The following TCF4 variants were observed in gnomAD, a reference collection of about 807,000 sequenced individuals.
The protein encoded by TCF4 is transcription factor 4, also known as SL3-3 enhancer factor 2.
Under a neutral mutation model 82.1 loss-of-function variants are expected in TCF4, and 3 were observed. The ratio of observed to expected loss-of-function variants is 0.04; its 90% CI spans 0.02 to 0.09. TCF4 has a LOEUF of 0.09. TCF4 is among the 10% of genes least tolerant of loss of function. The pLI is 1.00. For missense variants in TCF4, 518 were observed against 852.7 expected (o/e 0.61, Z 4.89); for synonymous variants, 276 against 309.6 (o/e 0.89, Z 1.14).
upstream of TCF4, chr18:55,588,530 T>C: frequency 1.3e-6 from 2 of 1,533,180 alleles, no homozygotes; most frequent in Non-Finnish European, 1.7e-6. Context: ...TTTTTGCCCG[T>C]TGCATCCCTC....
chr18:55,590,515 C>G (rs577270918), upstream of TCF4, among the ~76,000 whole-genome samples: 1 of 152,318 alleles, frequency 6.6e-6, no homozygotes, highest in South Asian at 2.1e-4. Flanking sequence ...CCTTCTGTAG[C>G]CTGTTTTCTG....
At chr18:55,390,390 C>T (rs2092990424) in intron 6 of TCF4, among the ~76,000 whole-genome samples, 1 of 151,216 alleles carries the variant, frequency 6.6e-6, no homozygotes, top group African/African-American at 2.4e-5. Context: ...ACCTAGAGAG[C>T]ATGTGAGGAT....
intron 8 of TCF4, among the ~76,000 whole-genome samples, chr18:55,306,223 T>C (rs553245829): frequency 9.8e-5 from 15 of 152,352 alleles, no homozygotes; most frequent in South Asian, 2.1e-4. Flanking sequence ...AGTGTTACTT[T>C]TAAAAATGTA....
At position 55,225,815 on chromosome 18, in the gene TCF4, AACAAATC is replaced by A. The variant is rs2046518731; in HGVS notation, c.*2213_*2219del. 1 of 152,602 alleles carries A rather than the reference AACAAATC, an allele frequency of 6.6e-6. No homozygotes were observed. The highest frequency in any genetic ancestry group is 1.5e-5 in the Non-Finnish European group (1 of 68,000). 9.5% of individuals were successfully genotyped at this position (152,602 alleles called of 1,614,324 possible). Reference sequence around the variant, plus strand: ...CACCTCCACATTTTAGGAACTTATCAACAAATCAAAGTTATTTTAGTTTTATCGCTAC... The same window carrying A: ...CACCTCCACATTTTAGGAACTTATCAAAAGTTATTTTAGTTTTATCGCTAC... On this transcript the variant is annotated 3_prime_UTR_variant, in exon 20 of 20. Coordinates refer to ENST00000354452, the MANE Select transcript of TCF4 (RefSeq NM_001083962.2).
intron 6 of TCF4, among the ~76,000 whole-genome samples, chr18:55,362,412 AGG>A (rs2085617661): frequency 7.1e-6 from 1 of 141,150 alleles, no homozygotes; most frequent in African/African-American, 2.7e-5. Flanking sequence ...GAAGGAAGGA[AGG>A]AAGGAAGGAA....
Position 55,588,019 on chromosome 18 carries a change from C to T in TCF4, c.-21+19G>A, listed in dbSNP as rs1450793028. 1.0e-6 allele frequency: 1 copy of T among 981,164 alleles called. No individual in the cohort carries two copies. Among genetic ancestry groups the T allele is most frequent in the Non-Finnish European group, 1.2e-6 (1 of 828,122 alleles). The allele number at this position is 981,164 out of a possible 1,614,324, so 60.8% of individuals were successfully genotyped here. ...CGGGCGCCTCCGCCCCGCCGAGCCC[C>T]GCAGGCGCCGGTACCTACCGCCCGC... is the stretch of plus-strand genomic sequence containing the variant. On this transcript the variant is annotated intron_variant, in intron 1 of 19. Transcript: ENST00000354452.
chr18:55,402,356 A>G (rs2093870938), intron 6 of TCF4: 1 of 355,760 alleles, frequency 2.8e-6, no homozygotes, highest in Non-Finnish European at 3.9e-6. Flanking sequence ...TTAATTACAA[A>G]AACAAAACTT....
rs562067487 is a variant in TCF4, at chr18:55,449,489, A to G, written c.304+11530T>C. On this transcript the variant is annotated intron_variant, in intron 5 of 19. Transcript: ENST00000354452. ...AGTTCTGAAGGAGACAGGGTCACTA[A>G]TAAATTTTCTTCCATGATTTGGTAT... Among the ~76,000 whole-genome samples the G allele has an allele frequency of 3.9e-5, 6 of 152,340 alleles. No individual in the cohort carries two copies. The East Asian group carries it at 1.2e-3, about 29-fold the overall frequency.
intron 6 of TCF4, among the ~76,000 whole-genome samples, chr18:55,357,839 A>T (rs1452410876): frequency 6.6e-6 from 1 of 152,236 alleles, no homozygotes; most frequent in African/African-American, 2.4e-5. Flanking sequence ...ACTCTGTAAG[A>T]TATCACTATA....
intron 5 of TCF4, among the ~76,000 whole-genome samples, chr18:55,421,932 G>A (rs1305847654): frequency 1.3e-5 from 2 of 151,982 alleles, no homozygotes; most frequent in South Asian, 2.1e-4. Flanking sequence ...AATATTTGTC[G>A]ATATCTCTGC....
chr18:55,518,561 G>GT (rs1250205937), intron 3 of TCF4, among the ~76,000 whole-genome samples: 3 of 152,060 alleles, frequency 2.0e-5, no homozygotes, highest in Non-Finnish European at 4.4e-5. Context: ...GAACACAAAA[G>GT]TATGTAAGCA....
intron 2 of TCF4, among the ~76,000 whole-genome samples, chr18:55,627,494 T>C (rs985489166): frequency 1.3e-5 from 2 of 152,204 alleles, no homozygotes; most frequent in African/African-American, 4.8e-5. Flanking sequence ...CTGGGCGCAG[T>C]GGCTCACACC....
At chr18:55,298,608 T>C (rs186776154) in intron 8 of TCF4, among the ~76,000 whole-genome samples, 10 of 152,360 alleles carry the variant, frequency 6.6e-5, no homozygotes, top group East Asian at 1.9e-4. Context: ...TGTCTTAAGC[T>C]ATCACACTGA....
chr18:55,282,787 A>G (rs531304381), intron 8 of TCF4, among the ~76,000 whole-genome samples: 1 of 152,252 alleles, frequency 6.6e-6, no homozygotes, highest in Non-Finnish European at 1.5e-5. Context: ...GAGTGACCCC[A>G]ATGATAAAAT....
At chr18:55,422,100 C>CT in intron 5 of TCF4, 1 of 444,960 alleles carries the variant, frequency 2.2e-6, no homozygotes, top group Non-Finnish European at 2.6e-6. Flanking sequence ...AGAAAAAGCA[C>CT]AAAAAAAAAA....
At chr18:55,615,574 T>C (rs1056386033) in intron 2 of TCF4, among the ~76,000 whole-genome samples, 3 of 152,112 alleles carry the variant, frequency 2.0e-5, no homozygotes, top group Non-Finnish European at 2.9e-5. Flanking sequence ...TGAATAAAAA[T>C]AGCAAGACCA....
At chr18:55,245,517 G>A (rs914388781) in intron 15 of TCF4, among the ~76,000 whole-genome samples, 8 of 152,256 alleles carry the variant, frequency 5.3e-5, no homozygotes, top group Middle Eastern at 3.4e-3. Context: ...TGAAATATTC[G>A]AGCCAACTGC....
At chr18:55,355,485 A>AG (rs549524203) in intron 6 of TCF4, among the ~76,000 whole-genome samples, 239 of 152,258 alleles carry the variant, frequency 1.6e-3, no homozygotes, top group Non-Finnish European at 2.9e-3. Flanking sequence ...CAGTAGCAGG[A>AG]GGGGGGCGAT....
chr18:55,550,507 G>A (rs1309335167), intron 3 of TCF4: 2 of 152,076 alleles, frequency 1.3e-5, no homozygotes, highest in Non-Finnish European at 2.9e-5. Context: ...TAATTTAGTA[G>A]GTACAAATAT....
Sources: gnomAD v4.1 joint callset for allele counts (sites outside exome capture counted in the v4.1 genomes callset) on GRCh38, gnomAD v4.1.1 for gene constraint, MANE v1.5 for transcripts, NCBI Gene and HGNC (gene_info 2026-07-23, HGNC 2026-07-21) for gene names.